The following CACNB2 variants were observed in gnomAD, a reference collection of about 807,000 sequenced individuals.
The protein encoded by CACNB2 is voltage-dependent L-type calcium channel subunit beta-2.
Under a neutral mutation model 73.3 loss-of-function variants are expected in CACNB2, and 42 were observed. The observed-to-expected ratio is 0.57, with a 90% CI of 0.45 to 0.74. CACNB2 has a LOEUF of 0.74. Among genes scored for constraint, CACNB2 ranks in the 30% least tolerant of loss-of-function variants. CACNB2 has a pLI of 0.00. For missense variants in CACNB2, 940 were observed against 853.0 expected (o/e 1.10, Z -1.27); for synonymous variants, 348 against 310.3 (o/e 1.12, Z -1.28).
intron 2 of CACNB2, among the ~76,000 whole-genome samples, chr10:18,371,965 A>C (rs1407496082): frequency 1.3e-5 from 2 of 152,120 alleles, no homozygotes; most frequent in Non-Finnish European, 1.5e-5. Flanking sequence ...GATGATGAGC[A>C]TTTTTTCATG....
Position 18,539,815 on chromosome 10 carries a change from C to A in CACNB2, c.*91C>A. 1 of 1,250,448 alleles carries A rather than the reference C, an allele frequency of 8.0e-7. No homozygotes were observed. The highest frequency in any genetic ancestry group is 1.1e-6 in the Non-Finnish European group (1 of 884,004). 77.5% of individuals were successfully genotyped at this position (1,250,448 alleles called of 1,614,324 possible). The stretch of plus-strand genomic sequence containing the variant: ...AACAAAGTCTTTGGGGTCTACACTG[C>A]AATCATATGTGATCTGTCTTGTAAT... On this transcript the variant is annotated 3_prime_UTR_variant, in exon 14 of 14. Coordinates refer to ENST00000324631, the MANE Select transcript of CACNB2 (RefSeq NM_201596.3).
At chr10:18,170,062 C>T (rs2033122020) in intron 2 of CACNB2, among the ~76,000 whole-genome samples, 1 of 152,220 alleles carries the variant, frequency 6.6e-6, no homozygotes, top group Non-Finnish European at 1.5e-5. Flanking sequence ...CAGTGCACCT[C>T]ATTGGCTCTG....
intron 2 of CACNB2, among the ~76,000 whole-genome samples, chr10:18,395,407 T>C (rs540273324): frequency 1.3e-5 from 2 of 152,206 alleles, no homozygotes; most frequent in Non-Finnish European, 2.9e-5. Context: ...CTCAGCTTTT[T>C]TTCTTGTCTC....
chr10:18,518,073 C>T (rs1458860620), intron 7 of CACNB2, among the ~76,000 whole-genome samples: 6 of 152,156 alleles, frequency 3.9e-5, no homozygotes, highest in African/African-American at 1.4e-4. Context: ...TCAAAAGCAG[C>T]ATCTCTTGCT....
At chr10:18,515,173 C>G in intron 7 of CACNB2, 2 of 736,066 alleles carry the variant, frequency 2.7e-6, no homozygotes, top group Non-Finnish European at 4.9e-6. Flanking sequence ...CATTGGCCAT[C>G]CAAGATGCTA....
chr10:18,233,010 A>G (rs920743502), intron 2 of CACNB2, among the ~76,000 whole-genome samples: 1 of 152,156 alleles, frequency 6.6e-6, no homozygotes, highest in Non-Finnish European at 1.5e-5. Context: ...TCTCGAGCTC[A>G]GAAGGTCAAG....
intron 3 of CACNB2, among the ~76,000 whole-genome samples, chr10:18,421,237 T>G (rs535973107): frequency 3.9e-5 from 6 of 152,174 alleles, no homozygotes; most frequent in African/African-American, 9.6e-5. Flanking sequence ...TATTTTTTTT[T>G]TTTGTTTCCT....
At chr10:18,281,054 T>A (rs942822144) in intron 2 of CACNB2, among the ~76,000 whole-genome samples, 5 of 152,212 alleles carry the variant, frequency 3.3e-5, no homozygotes, top group African/African-American at 1.2e-4. Flanking sequence ...GGTGTCTGAA[T>A]TCAACCCTGG....
At chr10:18,204,225 A>G (rs932189778) in intron 2 of CACNB2, among the ~76,000 whole-genome samples, 2 of 152,184 alleles carry the variant, frequency 1.3e-5, no homozygotes, top group Admixed American at 6.5e-5. Flanking sequence ...CCCTGTTGCT[A>G]TGGTGTGTTT....
chr10:18,510,502 C>T (rs1171558728), intron 6 of CACNB2, among the ~76,000 whole-genome samples: 2 of 152,120 alleles, frequency 1.3e-5, no homozygotes, highest in East Asian at 3.9e-4. Context: ...AGGATTTTAC[C>T]ATGTTGGCCA....
chr10:18,503,533 T>C (rs2050322535), intron 5 of CACNB2, among the ~76,000 whole-genome samples: 1 of 152,058 alleles, frequency 6.6e-6, no homozygotes, highest in African/African-American at 2.4e-5. Context: ...AAGGCGGAGG[T>C]TGCAGTGAGC....
chr10:18,297,074 C>G (rs2039309572), intron 2 of CACNB2, among the ~76,000 whole-genome samples: 1 of 152,194 alleles, frequency 6.6e-6, no homozygotes, highest in Non-Finnish European at 1.5e-5. Flanking sequence ...CCTTTCTTTT[C>G]CAATCCTACT....
intron 2 of CACNB2, among the ~76,000 whole-genome samples, chr10:18,269,439 A>G (rs901239811): frequency 1.3e-5 from 2 of 152,136 alleles, no homozygotes; most frequent in African/African-American, 2.4e-5. Flanking sequence ...CCATATTGCT[A>G]TTCCTTCAGG....
At chr10:18,296,969 G>GT (rs1363593468) in intron 2 of CACNB2, among the ~76,000 whole-genome samples, 1 of 152,234 alleles carries the variant, frequency 6.6e-6, no homozygotes, top group Non-Finnish European at 1.5e-5. Context: ...CACTTTTCCT[G>GT]TAGGAGTATT....
intron 2 of CACNB2, among the ~76,000 whole-genome samples, chr10:18,316,303 A>G (rs1381310902): frequency 6.6e-6 from 1 of 152,174 alleles, no homozygotes; most frequent in East Asian, 1.9e-4. Context: ...GCTGGTATAA[A>G]TTAAGTTCTC....
intron 2 of CACNB2, among the ~76,000 whole-genome samples, chr10:18,335,299 G>T (rs539517261): frequency 1.3e-5 from 2 of 152,138 alleles, no homozygotes; most frequent in African/African-American, 2.4e-5. Context: ...CTTTCACAGG[G>T]TGTGATGGCT....
At chr10:18,228,010 T>G (rs899167503) in intron 2 of CACNB2, among the ~76,000 whole-genome samples, 4 of 152,110 alleles carry the variant, frequency 2.6e-5, no homozygotes, top group African/African-American at 9.7e-5. Flanking sequence ...AAATTTGCAG[T>G]CAACATTTTT....
intron 2 of CACNB2, among the ~76,000 whole-genome samples, chr10:18,235,591 C>T (rs926801692): frequency 2.6e-5 from 4 of 152,144 alleles, no homozygotes; most frequent in Non-Finnish European, 4.4e-5. Context: ...ATGAAAAGGA[C>T]GTGGTACAAA....
intron 2 of CACNB2, among the ~76,000 whole-genome samples, chr10:18,151,889 G>C (rs2031589967): frequency 6.6e-6 from 1 of 152,148 alleles, no homozygotes; most frequent in Non-Finnish European, 1.5e-5. Flanking sequence ...GTGTCATTTG[G>C]ATGCCACTTT....
Sources: allele counts gnomAD v4.1 joint callset (sites outside exome capture counted in the v4.1 genomes callset), GRCh38; gene constraint gnomAD v4.1.1; transcripts MANE v1.5; gene names NCBI Gene and HGNC (gene_info 2026-07-23, HGNC 2026-07-21).